The following MIA3 variants were observed in gnomAD, a reference collection of about 807,000 sequenced individuals.
MIA3 encodes the protein transport and Golgi organization protein 1 homolog.
MIA3 carries 90 observed loss-of-function variants against 192.4 expected under a neutral mutation model. The ratio of observed to expected loss-of-function variants is 0.47; its 90% CI spans 0.39 to 0.56. The LOEUF (loss-of-function observed/expected upper bound fraction) is 0.56. Among genes scored for constraint, MIA3 ranks in the 20% least tolerant of loss-of-function variants. The pLI, the probability that MIA3 is intolerant of heterozygous loss-of-function variation, is 0.00. For missense variants in MIA3, 2,123 were observed against 2,269.4 expected, an observed-to-expected ratio of 0.94 and a Z score of 1.31; for synonymous variants, 740 against 792.8, an observed-to-expected ratio of 0.93 and a Z score of 1.12.
At chr1:222,650,958 A>G (rs1350146280) in intron 11 of MIA3, 55 bp downstream of exon 11, 1 of 1,040,674 alleles carries the variant, frequency 9.6e-7, no homozygotes, top group African/African-American at 1.6e-5. Context: ...ACTCTTTTGT[A>G]GATTGAGTTG....
At chr1:222,639,256 T>C (rs1217116718) in intron 6 of MIA3, among the ~76,000 whole-genome samples, 3 of 152,152 alleles carry the variant, frequency 2.0e-5, no homozygotes, top group African/African-American at 4.8e-5. Flanking sequence ...TAAAAACCTT[T>C]CCACAAAGAA....
rs528478939 is a variant in MIA3, at chr1:222,629,043, C to T, written c.1823C>T (p.Thr608Met). 1.5e-5 allele frequency: 25 copies of T among 1,614,160 alleles called. No individual in the cohort carries two copies. Among genetic ancestry groups the T allele is most frequent in the Middle Eastern group, 1.6e-4 (1 of 6,062 alleles). The change falls in exon 4 of 28, where the codon ACG (threonine) becomes ATG (methionine). Residue 608 changes from threonine (T) to methionine (M), a missense_variant. This residue lies in a region of MIA3 where 1,357 missense variants were observed against 1,396.1 expected (regional missense o/e 0.97). Coordinates refer to ENST00000344922, the MANE Select transcript of MIA3 (RefSeq NM_198551.4). ...DALVNGAKLHTLSVEHQREEL... is the reference protein window; with the variant it reads ...DALVNGAKLHMLSVEHQREEL... Reference sequence around the variant, plus strand: ...TTGGTAAATGGGGCCAAACTGCACACGCTTTCAGTGGAGCATCAACGTGAG... The same window carrying T: ...TTGGTAAATGGGGCCAAACTGCACATGCTTTCAGTGGAGCATCAACGTGAG...
In MIA3 at chr1:222,665,953, C is replaced by T. The variant is rs927185912; in HGVS notation, c.*334C>T. On this transcript the variant is annotated 3_prime_UTR_variant, in exon 28 of 28. Transcript: ENST00000344922. ...ATTTCCTGTGGAAATGCTTTAAGAACATGTATTTCCATTATCCTATTTTTA... is the reference window on the plus strand; with the variant it reads ...ATTTCCTGTGGAAATGCTTTAAGAATATGTATTTCCATTATCCTATTTTTA... 6 of 186,564 alleles carry T rather than the reference C, an allele frequency of 3.2e-5. No homozygotes were observed. The East Asian group carries it at 4.0e-4, about 13-fold the overall frequency. The allele number at this position is 186,564 out of a possible 1,614,324, so 11.6% of individuals were successfully genotyped here.
At chr1:222,664,461 TC>T (rs1664179475) in intron 27 of MIA3, among the ~76,000 whole-genome samples, 1 of 152,112 alleles carries the variant, frequency 6.6e-6, no homozygotes, top group Non-Finnish European at 1.5e-5. Context: ...ATAAAATACA[TC>T]CCCTAACTAA....
At chr1:222,630,443 G>T in intron 4 of MIA3, 54 bp downstream of exon 4, 2 of 1,513,040 alleles carry the variant, frequency 1.3e-6, no homozygotes, top group Non-Finnish European at 1.8e-6. Context: ...TGGGTGGGTC[G>T]CTGAGGTGCC....
chr1:222,658,161 G>A (rs1406351495), intron 18 of MIA3, among the ~76,000 whole-genome samples: 3 of 152,130 alleles, frequency 2.0e-5, no homozygotes, highest in African/African-American at 4.8e-5. Context: ...GATTTGTCTC[G>A]CTGCTTTATC....
intron 7 of MIA3, among the ~76,000 whole-genome samples, chr1:222,646,801 T>G (rs910002953): frequency 1.3e-5 from 2 of 152,232 alleles, no homozygotes; most frequent in African/African-American, 4.8e-5. Context: ...GTGAAAACTT[T>G]GACACAACCT....
intron 7 of MIA3, 28 bp downstream of exon 7, chr1:222,645,713 CAT>C: frequency 1.3e-6 from 2 of 1,594,190 alleles, no homozygotes; most frequent in South Asian, 2.3e-5. Flanking sequence ...TACTTTAACT[CAT>C]AAATTCAAGT....
chr1:222,637,727 G>A (rs1662693405), intron 6 of MIA3, among the ~76,000 whole-genome samples: 1 of 128,512 alleles, frequency 7.8e-6, no homozygotes, highest in African/African-American at 2.9e-5. Context: ...GTCTCACCCT[G>A]TTTCCCAGGC....
chr1:222,652,502 T>C (rs1249245514), intron 13 of MIA3, among the ~76,000 whole-genome samples, 170 bp downstream of exon 13: 6 of 152,262 alleles, frequency 3.9e-5, no homozygotes, highest in Non-Finnish European at 8.8e-5. Context: ...ATACATTCTC[T>C]ATCTGTTCTG....
At chr1:222,663,016 A>T (rs1411478281) in intron 26 of MIA3, 1 of 152,444 alleles carries the variant, frequency 6.6e-6, no homozygotes, top group East Asian at 1.9e-4. Flanking sequence ...TGTAACTTGT[A>T]TAGCTGTTAT....
chr1:222,663,799 G>A (rs1664141074), intron 26 of MIA3, among the ~76,000 whole-genome samples, 199 bp from the exon 27 acceptor site: 1 of 152,184 alleles, frequency 6.6e-6, no homozygotes. Context: ...TACAGCAAGT[G>A]TTCACTCCTG....
chr1:222,632,532 A>G (rs577594338), intron 5 of MIA3, among the ~76,000 whole-genome samples: 1 of 152,300 alleles, frequency 6.6e-6, no homozygotes, highest in Admixed American at 6.5e-5. Context: ...CCTACAAACC[A>G]ATGTTTGGCT....
At chr1:222,619,373 G>T (rs1661757727) in intron 1 of MIA3, among the ~76,000 whole-genome samples, 1 of 152,150 alleles carries the variant, frequency 6.6e-6, no homozygotes, top group Non-Finnish European at 1.5e-5. Context: ...TTTTAAGAAG[G>T]CCAAGAACTC....
chr1:222,642,553 A>C (rs1259219561), intron 6 of MIA3, among the ~76,000 whole-genome samples: 1 of 152,186 alleles, frequency 6.6e-6, no homozygotes, highest in Non-Finnish European at 1.5e-5. Flanking sequence ...TTATATCCCC[A>C]GTATCTTTGA....
chr1:222,641,989 G>A (rs536589833), intron 6 of MIA3: 4 of 337,952 alleles, frequency 1.2e-5, no homozygotes, highest in African/African-American at 6.5e-5. Flanking sequence ...TTATAGATAT[G>A]TGCAGCAATG....
In MIA3 at chr1:222,662,318, C is replaced by G; in HGVS notation, c.5248C>G (p.Leu1750Val). 6.2e-7 allele frequency: 1 copy of G among 1,613,888 alleles called. No individual in the cohort carries two copies. Among genetic ancestry groups the G allele is most frequent in the Non-Finnish European group, 8.5e-7 (1 of 1,179,762 alleles). Reference sequence around the variant, plus strand: ...AAGAGGCTCTTCCCCTACCAGGGTACTCGATGAAGGCAAGGTAAATGCACC... The same window carrying G: ...AAGAGGCTCTTCCCCTACCAGGGTAGTCGATGAAGGCAAGGTAAATGCACC... ...SSRGSSPTRV[L>V]DEGKVNMAPK... The change falls in exon 26 of 28, where the codon CTC (leucine) becomes GTC (valine). Residue 1750 changes from leucine (L) to valine (V), a missense_variant. Around this residue, in one of 3 missense-constraint regions of MIA3, gnomAD observed 762 missense variants for 856.4 expected, o/e 0.89. Transcript: ENST00000344922.
chr1:222,634,661 G>C (rs918705440), intron 6 of MIA3, among the ~76,000 whole-genome samples: 1 of 152,182 alleles, frequency 6.6e-6, no homozygotes, highest in African/African-American at 2.4e-5. Context: ...GACTAAGCAA[G>C]CTCTTGAAGT....
intron 2 of MIA3, among the ~76,000 whole-genome samples, chr1:222,623,482 C>T (rs1416779418): frequency 6.6e-6 from 1 of 152,080 alleles, no homozygotes; most frequent in Non-Finnish European, 1.5e-5. Context: ...AAAACTCTGT[C>T]TTCAGCTTTC....
Sources: gnomAD v4.1 joint callset for allele counts (sites outside exome capture counted in the v4.1 genomes callset) on GRCh38, gnomAD v4.1.1 for gene constraint, gnomAD v4.1.1 regional missense constraint, MANE v1.5 for transcripts, NCBI Gene and HGNC (gene_info 2026-07-23, HGNC 2026-07-21) for gene names.